Variants in UBE3D observed in about 807,000 individuals in gnomAD.
UBE3D encodes the protein ubiquitin protein ligase E3D.
In UBE3D, 48 loss-of-function variants were observed where a neutral mutation model predicts 49.6. That is an observed-to-expected ratio of 0.97 (90% CI 0.77 to 1.23). The LOEUF is 1.23. Ranked by LOEUF, UBE3D falls within the 50% of genes most tolerant of loss-of-function variation. UBE3D has a pLI of 0.00. For synonymous variants in UBE3D, 189 were observed against 174.2 expected (o/e 1.08, Z -0.67); for missense variants, 452 against 468.4 (o/e 0.96, Z 0.32).
At chr6:82,883,514 G>A in the UBE3D span, among the ~76,000 whole-genome samples, 2 of 152,104 alleles carry the variant, frequency 1.3e-5, no homozygotes, top group Non-Finnish European at 1.5e-5. Context: ...GAGCGCCCAC[G>A]CTTCAAAAAG....
chr6:82,907,187 C>T (rs1772164719), intron 9 of UBE3D, among the ~76,000 whole-genome samples: 1 of 152,148 alleles, frequency 6.6e-6, no homozygotes, highest in African/African-American at 2.4e-5. Context: ...CAGGTTCCTG[C>T]TGTTAATTTG....
chr6:83,024,402 T>C (rs995445752), intron 5 of UBE3D, among the ~76,000 whole-genome samples: 4 of 152,186 alleles, frequency 2.6e-5, no homozygotes, highest in African/African-American at 9.7e-5. Flanking sequence ...AAAAGACTTC[T>C]GGTTTGTTTT....
Position 82,995,283 on chromosome 6 carries a change from T to C in UBE3D, c.1010+23690A>G, listed in dbSNP as rs180849473. ...ATTTGAGATCTTTGACTCAGCAGTT[T>C]CAGTAAATGATTGCGGTAAAAGCAT... On this transcript the variant is annotated intron_variant, in intron 8 of 9. Coordinates refer to ENST00000369747, the MANE Select transcript of UBE3D (RefSeq NM_198920.3). 1.8e-3 allele frequency among the ~76,000 whole-genome samples: 276 copies of C among 152,268 alleles called. 3 individuals carry two copies. Among genetic ancestry groups the C allele is most frequent in the Non-Finnish European group, 3.6e-3 (247 of 68,006 alleles).
chr6:83,029,001 T>C (rs1196912701), intron 5 of UBE3D, among the ~76,000 whole-genome samples: 1 of 152,194 alleles, frequency 6.6e-6, no homozygotes, highest in Non-Finnish European at 1.5e-5. Context: ...GGAAATCTCT[T>C]ACATATGAGG....
intron 1 of UBE3D, among the ~76,000 whole-genome samples, chr6:83,065,414 G>C (rs1042658132): frequency 6.6e-6 from 1 of 152,168 alleles, no homozygotes; most frequent in Non-Finnish European, 1.5e-5. Context: ...GTGTGGAGCT[G>C]AGACCCTGAA....
intron 8 of UBE3D, among the ~76,000 whole-genome samples, chr6:82,986,635 AT>A (rs562998831): frequency 2.7e-4 from 41 of 149,452 alleles, no homozygotes; most frequent in Non-Finnish European, 4.4e-4. Flanking sequence ...CTTGAAAAAA[AT>A]ATATACATAT....
intron 9 of UBE3D, among the ~76,000 whole-genome samples, chr6:82,930,001 A>G (rs553213911): frequency 2.0e-4 from 30 of 152,174 alleles, no homozygotes; most frequent in Non-Finnish European, 3.8e-4. Flanking sequence ...ATCCCCCCCA[A>G]AATCTCATCT....
chr6:82,934,125 G>GA (rs1774377573), intron 9 of UBE3D, among the ~76,000 whole-genome samples: 1 of 152,054 alleles, frequency 6.6e-6, no homozygotes, highest in Non-Finnish European at 1.5e-5. Context: ...CACAAGATCT[G>GA]ATGGTTTTAT....
chr6:82,944,253 A>T (rs1448046267), intron 9 of UBE3D, among the ~76,000 whole-genome samples: 1 of 152,162 alleles, frequency 6.6e-6, no homozygotes, highest in Non-Finnish European at 1.5e-5. Flanking sequence ...TTTTATTTTG[A>T]ATCTTGAATA....
At chr6:82,952,879 T>C (rs909611920) in intron 9 of UBE3D, among the ~76,000 whole-genome samples, 9 of 152,228 alleles carry the variant, frequency 5.9e-5, no homozygotes, top group African/African-American at 2.2e-4. Context: ...AATAAGATTA[T>C]TAGACTAGTT....
At chr6:82,989,317 G>A (rs767924690) in intron 8 of UBE3D, among the ~76,000 whole-genome samples, 9 of 151,946 alleles carry the variant, frequency 5.9e-5, no homozygotes, top group Admixed American at 2.6e-4. Flanking sequence ...AAATTACTCC[G>A]ATGGGGTTTG....
intron 3 of UBE3D, among the ~76,000 whole-genome samples, chr6:83,048,398 G>C (rs1783225864): frequency 1.3e-5 from 2 of 152,148 alleles, no homozygotes; most frequent in Non-Finnish European, 2.9e-5. Flanking sequence ...GAGGGAGTTA[G>C]GCCTAAATAG....
At chr6:82,918,876 G>C (rs1773115833) in intron 9 of UBE3D, among the ~76,000 whole-genome samples, 2 of 151,870 alleles carry the variant, frequency 1.3e-5, no homozygotes, top group African/African-American at 4.8e-5. Flanking sequence ...TTTCTTCCCT[G>C]CTGTATATAT....
intron 8 of UBE3D, among the ~76,000 whole-genome samples, chr6:83,003,657 C>T (rs1175841166): frequency 1.3e-5 from 2 of 152,174 alleles, no homozygotes; most frequent in Admixed American, 1.3e-4. Context: ...CCATAGCGCA[C>T]ATTACTGCAT....
intron 8 of UBE3D, among the ~76,000 whole-genome samples, chr6:82,981,905 T>C (rs192015967): frequency 3.3e-5 from 5 of 152,264 alleles, no homozygotes; most frequent in African/African-American, 1.2e-4. Flanking sequence ...TTCAAGTACA[T>C]CTTACCAACT....
intron 3 of UBE3D, among the ~76,000 whole-genome samples, chr6:83,047,586 A>T (rs1196766569): frequency 6.6e-6 from 1 of 152,156 alleles, no homozygotes; most frequent in Non-Finnish European, 1.5e-5. Flanking sequence ...TGCTGAGAGG[A>T]ATTCTTGATG....
chr6:82,910,396 A>T (rs1276119460), intron 9 of UBE3D, among the ~76,000 whole-genome samples: 5 of 152,196 alleles, frequency 3.3e-5, no homozygotes, highest in African/African-American at 1.2e-4. Flanking sequence ...TTCTGCATCA[A>T]CATCAGAGAA....
Position 83,044,565 on chromosome 6 carries a change from G to C in UBE3D, c.460C>G (p.Leu154Val). Residue 154 changes from leucine to valine, a missense_variant, in exon 4 of 10, where the codon CTT becomes GTT. By Grantham distance (32) the Leu-to-Val change is conservative. Coordinates refer to ENST00000369747, the MANE Select transcript of UBE3D (RefSeq NM_198920.3). ...AAACAGTCATTCTCTTGCGGATGAA[G>C]TGATTTATTAGCAAAGGGGTCAGGA... The part of the protein sequence containing the change: ...CHPDPFANKS[L>V]HPQENDCFIG... 6.2e-7 allele frequency: 1 copy of C among 1,614,152 alleles called. No individual in the cohort carries two copies. Among genetic ancestry groups the C allele is most frequent in the Non-Finnish European group, 8.5e-7 (1 of 1,180,010 alleles).
chr6:82,948,211 T>A (rs1159232673), intron 9 of UBE3D, among the ~76,000 whole-genome samples: 1 of 151,924 alleles, frequency 6.6e-6, no homozygotes, highest in Non-Finnish European at 1.5e-5. Flanking sequence ...CAACTGATAC[T>A]GCAGAAACTC....
Sources: gnomAD v4.1 joint callset for allele counts (sites outside exome capture counted in the v4.1 genomes callset) on GRCh38, gnomAD v4.1.1 for gene constraint, MANE v1.5 for transcripts, NCBI Gene and HGNC (gene_info 2026-07-23, HGNC 2026-07-21) for gene names.